The following ENOX2 variants were observed in gnomAD, a reference collection of about 807,000 sequenced individuals.
The protein encoded by ENOX2 is APK1 antigen.
Under a neutral mutation model 45.0 loss-of-function variants are expected in ENOX2, and 36 were observed. That is an observed-to-expected ratio of 0.80 (90% CI 0.61 to 1.06). The LOEUF (loss-of-function observed/expected upper bound fraction) is 1.06. ENOX2 is among the 50% of genes least tolerant of loss of function. The probability of loss-of-function intolerance (pLI) is 0.00; values close to 1 mark genes in which losing one functional copy is unlikely to be tolerated. For missense variants in ENOX2, 423 were observed against 462.5 expected, an observed-to-expected ratio of 0.91 and a Z score of 0.78; for synonymous variants, 174 against 152.3, an observed-to-expected ratio of 1.14 and a Z score of -1.05.
At chrX:130,901,572 A>T (rs2079144391) in intron 2 of ENOX2, 112 bp downstream of exon 2, 1 of 112,012 alleles carries the variant, frequency 8.9e-6, no homozygotes, top group African/African-American at 3.2e-5. Context: ...AAATATATCG[A>T]TGTCTCTAGG....
intron 2 of ENOX2, among the ~76,000 whole-genome samples, chrX:130,873,604 T>C (rs1227130867): frequency 6.3e-5 from 7 of 111,968 alleles, no homozygotes; most frequent in Non-Finnish European, 9.4e-5. Flanking sequence ...CATATGTTAA[T>C]TGTGGCACCG....
At chrX:130,722,181 T>C (rs892355740) in intron 3 of ENOX2, among the ~76,000 whole-genome samples, 1 of 111,758 alleles carries the variant, frequency 8.9e-6, no homozygotes, top group Non-Finnish European at 1.9e-5. Flanking sequence ...GGAAGACAGA[T>C]GAAGGTTAAA....
chrX:130,856,308 G>A (rs141414578), intron 2 of ENOX2, among the ~76,000 whole-genome samples: 2 of 112,509 alleles, frequency 1.8e-5, no homozygotes, highest in East Asian at 2.8e-4. Context: ...TTCCCATCAT[G>A]CTGAAGAAGC....
intron 2 of ENOX2, among the ~76,000 whole-genome samples, chrX:130,785,980 C>T (rs904455053): frequency 1.6e-4 from 18 of 112,783 alleles, no homozygotes; most frequent in African/African-American, 5.8e-4. Context: ...TAAACACATA[C>T]ATATTTATGA....
intron 2 of ENOX2, among the ~76,000 whole-genome samples, chrX:130,785,083 T>C (rs1187224977): frequency 9.2e-6 from 1 of 108,987 alleles, no homozygotes; most frequent in Non-Finnish European, 1.9e-5. Context: ...CTCAGCACTT[T>C]GGGAGGCCGA....
chrX:130,710,989 G>A (rs143630856), intron 3 of ENOX2, among the ~76,000 whole-genome samples: 177 of 111,772 alleles, frequency 1.6e-3, no homozygotes, highest in African/African-American at 5.4e-3. Context: ...AACAAAACGT[G>A]GAAGAAAACT....
chrX:130,665,745 C>T lies in ENOX2; in HGVS notation c.912G>A (p.Glu304=). The T allele has an allele frequency of 1.7e-6, 2 of 1,167,359 alleles. No individual in the cohort carries two copies. Among genetic ancestry groups the T allele is most frequent in the South Asian group, 3.7e-5 (2 of 54,471 alleles). Residue 304 remains glutamate, a synonymous_variant, in exon 9 of 15, where the codon GAG becomes GAA. Transcript: ENST00000394363. ...CGGAATGGTACACAGCCACTATCTG[C>T]TCAACTGCAGCATCAAATCAGCAGT... ...QALSGILIQF[E]QIVAVYHSAS... is the part of the protein sequence containing the mutation.
chrX:130,703,052 T>C, intron 4 of ENOX2, 68 bp downstream of exon 4: 2 of 1,033,079 alleles, frequency 1.9e-6, no homozygotes, highest in Non-Finnish European at 2.6e-6. Flanking sequence ...AGTTGTGTCA[T>C]ACTGCTATAT....
At position 130,665,702 on chromosome X, in the gene ENOX2, A is replaced by G; in HGVS notation, c.955T>C (p.Trp319Arg). ...CGCTGGGCTTTTGTGAAGTGGTCCCATGCCTTCTGCTTGGAGGCGGAATGG... is the reference window on the plus strand; with the variant it reads ...CGCTGGGCTTTTGTGAAGTGGTCCCGTGCCTTCTGCTTGGAGGCGGAATGG... ...VYHSASKQKA[W>R]DHFTKAQRKN... is the part of the protein sequence containing the mutation. Residue 319 changes from tryptophan to arginine, a missense_variant, in exon 9 of 15, where the codon TGG becomes CGG. Physicochemically the swap from Trp to Arg is moderately radical, Grantham distance 101. Coordinates refer to ENST00000394363, the MANE Select transcript of ENOX2 (RefSeq NM_006375.4). 8.3e-7 allele frequency: 1 copy of G among 1,206,470 alleles called. No homozygotes were observed. Among genetic ancestry groups the G allele is most frequent in the Middle Eastern group, 2.4e-4 (1 of 4,178 alleles).
At chrX:130,795,763 C>CT (rs1322977141) in intron 2 of ENOX2, among the ~76,000 whole-genome samples, 2 of 111,817 alleles carry the variant, frequency 1.8e-5, no homozygotes, top group Non-Finnish European at 3.8e-5. Context: ...ATGCTAAGCC[C>CT]TGTCATGTCT....
intron 13 of ENOX2, among the ~76,000 whole-genome samples, chrX:130,628,721 T>C (rs999687478): frequency 8.9e-6 from 1 of 112,243 alleles, no homozygotes; most frequent in Non-Finnish European, 1.9e-5. Context: ...AGAATTCTTA[T>C]AGCAGTTTAC....
intron 2 of ENOX2, among the ~76,000 whole-genome samples, chrX:130,873,480 G>C (rs147575769): frequency 0.014 from 1,569 of 111,993 alleles, 10 homozygotes; most frequent in East Asian, 0.05. Flanking sequence ...GTGGAAGACA[G>C]TGTGGTGATT....
At chrX:130,706,367 G>GA (rs1054596837) in intron 3 of ENOX2, among the ~76,000 whole-genome samples, 1 of 112,006 alleles carries the variant, frequency 8.9e-6, no homozygotes, top group Non-Finnish European at 1.9e-5. Context: ...TTGTGGGGTG[G>GA]AGGAGGAATG....
At chrX:130,865,059 T>G (rs1603373949) in intron 2 of ENOX2, among the ~76,000 whole-genome samples, 1 of 73,309 alleles carries the variant, frequency 1.4e-5, no homozygotes, top group East Asian at 4.4e-4. Flanking sequence ...TTTTTTTTTT[T>G]GAAATTAACG....
At chrX:130,873,802 C>T (rs992152734) in intron 2 of ENOX2, among the ~76,000 whole-genome samples, 1 of 109,833 alleles carries the variant, frequency 9.1e-6, no homozygotes, top group African/African-American at 3.3e-5. Flanking sequence ...GAACAGAAAA[C>T]CAAACACGAC....
intron 6 of ENOX2, among the ~76,000 whole-genome samples, chrX:130,673,250 T>A (rs752825109): frequency 3.0e-4 from 33 of 110,309 alleles, no homozygotes; most frequent in Non-Finnish European, 6.3e-4. Context: ...AGTGACAGCT[T>A]CCCCACGTGA....
intron 2 of ENOX2, among the ~76,000 whole-genome samples, chrX:130,847,555 G>A (rs1384819120): frequency 9.0e-6 from 1 of 111,438 alleles, no homozygotes; most frequent in African/African-American, 3.3e-5. Context: ...AGAAAAATCA[G>A]GACTAAAACC....
chrX:130,842,924 C>A (rs1199955025), intron 2 of ENOX2, among the ~76,000 whole-genome samples: 1 of 111,040 alleles, frequency 9.0e-6, no homozygotes, highest in Non-Finnish European at 1.9e-5. Flanking sequence ...AAATTGTATG[C>A]AGAATAGCAG....
chrX:130,784,510 C>T (rs1401932841), intron 2 of ENOX2, among the ~76,000 whole-genome samples: 1 of 110,262 alleles, frequency 9.1e-6, no homozygotes, highest in Non-Finnish European at 1.9e-5. Flanking sequence ...TAAGACATCT[C>T]CTGTAAGCCT....
Sources: gnomAD v4.1 joint callset for allele counts (sites outside exome capture counted in the v4.1 genomes callset) on GRCh38, gnomAD v4.1.1 for gene constraint, MANE v1.5 for transcripts, NCBI Gene and HGNC (gene_info 2026-07-23, HGNC 2026-07-21) for gene names.